The following OR1S2 variants were observed in gnomAD, a reference collection of about 807,000 sequenced individuals.
The protein encoded by OR1S2 is olfactory receptor 1S2.
In OR1S2, 1 loss-of-function variant was observed where a neutral mutation model predicts 1.7. The ratio of observed to expected loss-of-function variants is 0.59; its 90% CI spans 0.21 to 2.81. The LOEUF (loss-of-function observed/expected upper bound fraction) is 2.81, where lower values mean the gene tolerates loss of function less well. Among genes scored for constraint, OR1S2 ranks in the 30% most tolerant of loss-of-function variants. The probability of loss-of-function intolerance (pLI) is 0.22; values close to 1 mark genes in which losing one functional copy is unlikely to be tolerated. For missense variants in OR1S2, 391 were observed against 371.6 expected (o/e 1.05, Z -0.43); for synonymous variants, 157 against 145.3 (o/e 1.08, Z -0.58).
Position 58,203,981 on chromosome 11 carries a change from G to A in OR1S2, c.162C>T (p.Tyr54=), listed in dbSNP as rs531784277. 11 of 1,614,022 alleles carry A rather than the reference G, an allele frequency of 6.8e-6. No homozygotes were observed. In the South Asian group the frequency reaches 1.2e-4, roughly 18 times the overall value. ...GGAAGAGATACATGGGGGTGTGAAGGTATATATCCAAGCTGATAGCCACAA... is the reference window on the plus strand; with the variant it reads ...GGAAGAGATACATGGGGGTGTGAAGATATATATCCAAGCTGATAGCCACAA... Residue 54 remains tyrosine, a synonymous_variant, in exon 1 of 1, where the codon TAC becomes TAT. Transcript: ENST00000641683.
At position 58,203,758 on chromosome 11, in the gene OR1S2, G is replaced by T. The variant is rs769281978; in HGVS notation, c.385C>A (p.Pro129Thr). 6.2e-7 allele frequency: 1 copy of T among 1,614,046 alleles called. No homozygotes were observed. The highest frequency in any genetic ancestry group is 1.1e-5 in the South Asian group (1 of 91,078). ...CGCATGAAAGTTGTATAGTTCAGAGGGTGGCAGATCGCCACAAAGTGGTCG... is the reference window on the plus strand; with the variant it reads ...CGCATGAAAGTTGTATAGTTCAGAGTGTGGCAGATCGCCACAAAGTGGTCG... The change falls in exon 1 of 1, where the codon CCT (proline) becomes ACT (threonine). Residue 129 changes from proline (P) to threonine (T), a missense_variant. Physicochemically the swap from Pro to Thr is conservative, Grantham distance 38. Coordinates refer to ENST00000641683, the Ensembl canonical transcript of OR1S2.
exon 1 of OR1S2, chr11:58,203,847 G>A: frequency 6.2e-7 from 1 of 1,614,138 alleles, no homozygotes; most frequent in Non-Finnish European, 8.5e-7. Flanking sequence ...GTACATCTGT[G>A]TGATGCAGCT....
rs140980871 is a variant in OR1S2, at chr11:58,203,325, A to G, written c.818T>C (p.Ile273Thr). 8.0e-5 allele frequency: 129 copies of G among 1,614,066 alleles called. No homozygotes were observed. In the African/African-American group the frequency reaches 1.5e-3, roughly 19 times the overall value. The change falls in exon 1 of 1, where the codon ATT becomes ACT. Residue 273 changes from isoleucine (I) to threonine (T), a missense_variant. Transcript: ENST00000641683. ...CACCACAGTGAATAGGACAGCACCA[A>G]TCTTATCAGTGTCCTCAGGGTGAGT...
Position 58,203,372 on chromosome 11 carries a change from G to A in OR1S2, c.771C>T (p.Gly257=), listed in dbSNP as rs567196604. Residue 257 remains glycine (G), a synonymous_variant, in exon 1 of 1, where the codon GGC becomes GGT. Coordinates refer to ENST00000641683, the Ensembl canonical transcript of OR1S2. ...GAGTGGAGGAGGGGAAAAAGTACAC[G>A]CCTACAGTGGTTCCGTAGAACAGTA... The A allele has an allele frequency of 2.6e-5, 42 of 1,613,960 alleles. No homozygotes were observed. The Middle Eastern group carries it at 8.2e-4, about 32-fold the overall frequency.
exon 1 of OR1S2, chr11:58,203,682 A>C: frequency 6.2e-7 from 1 of 1,614,138 alleles, no homozygotes; most frequent in South Asian, 1.1e-5. Context: ...AAGAGCAATA[A>C]TATTACTGAG....
exon 1 of OR1S2, chr11:58,203,554 G>A: frequency 6.2e-7 from 1 of 1,614,162 alleles, no homozygotes; most frequent in Non-Finnish European, 8.5e-7. Flanking sequence ...AACAACACAA[G>A]CTCATTGATC....
At chr11:58,203,485 A>G (rs762946167) in exon 1 of OR1S2, 2 of 1,614,048 alleles carry the variant, frequency 1.2e-6, no homozygotes, top group Non-Finnish European at 1.7e-6. Context: ...CTGATGATGC[A>G]GACATAGGAG....
At chr11:58,203,289 A>G (rs1854867600) in exon 1 of OR1S2, 1 of 1,614,134 alleles carries the variant, frequency 6.2e-7, no homozygotes, top group Non-Finnish European at 8.5e-7. Flanking sequence ...GAAGGGGTTC[A>G]TCATGGGTGT....
rs375910345 is a variant in OR1S2, at chr11:58,204,026, C to T, written c.117G>A (p.Val39=). Residue 39 remains valine, a synonymous_variant, in exon 1 of 1, where the codon GTG becomes GTA. Transcript: ENST00000641683. ...CCACAATGATGAGCCCGTTCCCAAC[C>T]ACAGTGACCACATACATACTCAGGA... is the stretch of plus-strand genomic sequence containing the variant. 12 of 1,613,888 alleles carry T rather than the reference C, an allele frequency of 7.4e-6. No individual in the cohort carries two copies. In the African/African-American group the frequency reaches 9.3e-5, roughly 13 times the overall value.
chr11:58,203,573 T>C, exon 1 of OR1S2: 2 of 1,614,144 alleles, frequency 1.2e-6, no homozygotes, highest in Non-Finnish European at 1.7e-6. Context: ...TCATTGTATC[T>C]GAACAGGACA....
rs767894447 is a variant in OR1S2, at chr11:58,203,342, A to G, written c.801T>C (p.Pro267=). 3.1e-6 allele frequency: 5 copies of G among 1,613,976 alleles called. No homozygotes were observed. In the South Asian group the frequency reaches 3.3e-5, roughly 11 times the overall value. The stretch of plus-strand genomic sequence containing the variant: ...CAGCACCAATCTTATCAGTGTCCTC[A>G]GGGTGAGTGGAGGAGGGGAAAAAGT... The change falls in exon 1 of 1, where the codon CCT becomes CCC. Residue 267 remains proline, a synonymous_variant. Coordinates refer to ENST00000641683, the Ensembl canonical transcript of OR1S2.
At chr11:58,203,986 T>C in exon 1 of OR1S2, 2 of 1,614,008 alleles carry the variant, frequency 1.2e-6, no homozygotes, top group Non-Finnish European at 1.7e-6. Context: ...TGAAGGTATA[T>C]ATCCAAGCTG....
chr11:58,203,594 A>C, exon 1 of OR1S2: 1 of 1,614,192 alleles, frequency 6.2e-7, no homozygotes. Context: ...GTTTGAGCAG[A>C]GGGGCCAAGT....
rs1294055257 is a variant in OR1S2, at chr11:58,203,620, GGA to G, written c.521_522del (p.Leu174ProfsTer6). 7 of 1,614,168 alleles carry G rather than the reference GGA, an allele frequency of 4.3e-6. No homozygotes were observed. Among genetic ancestry groups the G allele is most frequent in the Non-Finnish European group, 5.9e-6 (7 of 1,180,014 alleles). ...GGGGCCAAGTCACAGAAGAAGTGTGGGAGAGTGTTGTGGTCACAGAAGAGCAA... is the reference window on the plus strand; with the variant it reads ...GGGGCCAAGTCACAGAAGAAGTGTGGGAGTGTTGTGGTCACAGAAGAGCAA... On this transcript the variant is annotated frameshift_variant, in exon 1 of 1. Transcript: ENST00000641683. LOFTEE classifies it low-confidence loss of function (END_TRUNC).
chr11:58,203,263 T>G, exon 1 of OR1S2: 1 of 1,614,036 alleles, frequency 6.2e-7, no homozygotes, highest in South Asian at 1.1e-5. Flanking sequence ...ATATCCTTAT[T>G]CCTCAAGCTG....
At chr11:58,204,065 G>A (rs1371889933) in exon 1 of OR1S2, 2 of 1,613,904 alleles carry the variant, frequency 1.2e-6, no homozygotes, top group African/African-American at 2.7e-5. Context: ...GCACAAAGAG[G>A]AGGTTTTGAT....
exon 1 of OR1S2, chr11:58,203,865 G>A: frequency 6.2e-7 from 1 of 1,614,144 alleles, no homozygotes; most frequent in Non-Finnish European, 8.5e-7. Flanking sequence ...GCTCTCATAA[G>A]AGATGGATTG....
chr11:58,204,039 T>TACATACTC lies in OR1S2; in HGVS notation c.96_103dup (p.Tyr35Ter). ...CCCGTTCCCAACCACAGTGACCACA[T>TACATACTC]ACATACTCAGGAAAAGCACAAAGAG... On this transcript the variant is annotated stop_gained and frameshift_variant, in exon 1 of 1. Transcript: ENST00000641683. LOFTEE classifies it low-confidence loss of function (END_TRUNC). The TACATACTC allele has an allele frequency of 1.2e-6, 2 of 1,613,966 alleles. No individual in the cohort carries two copies. The highest frequency in any genetic ancestry group is 1.7e-6 in the Non-Finnish European group (2 of 1,179,908).
At chr11:58,203,782 C>A (rs112423118) in exon 1 of OR1S2, 2 of 1,613,982 alleles carry the variant, frequency 1.2e-6, no homozygotes, top group Non-Finnish European at 8.5e-7. Context: ...ACAAAGTGGT[C>A]GAAGGCCATG....
Sources: gnomAD v4.1 joint callset for allele counts on GRCh38, gnomAD v4.1.1 for gene constraint, MANE v1.5 for transcripts, NCBI Gene and HGNC (gene_info 2026-07-23, HGNC 2026-07-21) for gene names.